MPHOSPH9: variants seen among roughly 807,000 people sequenced by gnomAD.
MPHOSPH9 encodes the protein M-phase phosphoprotein 9.
Under a neutral mutation model 145.5 loss-of-function variants are expected in MPHOSPH9, and 88 were observed. The observed-to-expected ratio is 0.60, with a 90% CI of 0.51 to 0.72. The LOEUF (loss-of-function observed/expected upper bound fraction) is 0.72, where lower values mean the gene tolerates loss of function less well. Ranked by LOEUF, MPHOSPH9 falls within the 30% of genes least tolerant of loss-of-function variation. The probability of loss-of-function intolerance (pLI) is 0.00; values close to 1 mark genes in which losing one functional copy is unlikely to be tolerated. For missense variants in MPHOSPH9, 1,238 were observed against 1,386.6 expected, an observed-to-expected ratio of 0.89 and a Z score of 1.70; for synonymous variants, 435 against 486.2, an observed-to-expected ratio of 0.89 and a Z score of 1.39.
chr12:123,243,301 C>T (rs1156981621), intron 1 of MPHOSPH9, among the ~76,000 whole-genome samples: 4 of 151,438 alleles, frequency 2.6e-5, no homozygotes, highest in African/African-American at 9.7e-5. Flanking sequence ...GAGGCCGAGG[C>T]GGGCGGATCA....
Position 123,223,035 on chromosome 12 carries a change from T to G in MPHOSPH9, c.348+3A>C, listed in dbSNP as rs1418758398. 3 of 1,511,256 alleles carry G rather than the reference T, an allele frequency of 2.0e-6. No homozygotes were observed. Among genetic ancestry groups the G allele is most frequent in the Admixed American group, 2.1e-5 (1 of 48,130 alleles). The allele number at this position is 1,511,256 out of a possible 1,614,324, so 93.6% of individuals were successfully genotyped here. ...AAAGGAATCAATGTAAATGGTAACT[T>G]ACTTGAATTTGGTTGTGGAACTGCT... On this transcript the variant is annotated splice_donor_region_variant and intron_variant, in intron 4 of 23. Transcript: ENST00000606320.
At position 123,221,509 on chromosome 12, in the gene MPHOSPH9, A is replaced by G; in HGVS notation, c.735T>C (p.Asn245=). 3 of 1,614,082 alleles carry G rather than the reference A, an allele frequency of 1.9e-6. No homozygotes were observed. Among genetic ancestry groups the G allele is most frequent in the Non-Finnish European group, 2.5e-6 (3 of 1,180,010 alleles). ...PAESLVDGVK[N]ENFYIQTPEE... Reference sequence around the variant, plus strand: ...CAGGAGTCTGTATATAAAAATTCTCATTTTTCACACCATCTACAAGTGACT... The same window carrying G: ...CAGGAGTCTGTATATAAAAATTCTCGTTTTTCACACCATCTACAAGTGACT... The change falls in exon 5 of 24, where the codon AAT becomes AAC. Residue 245 remains asparagine, a synonymous_variant. Coordinates refer to ENST00000606320, the MANE Select transcript of MPHOSPH9 (RefSeq NM_022782.4).
intron 5 of MPHOSPH9, among the ~76,000 whole-genome samples, chr12:123,218,877 T>C (rs1002146444): frequency 4.6e-5 from 6 of 130,228 alleles, no homozygotes; most frequent in Middle Eastern, 3.7e-3. Flanking sequence ...TTGCTTTCAG[T>C]TGTTGTGTGT....
chr12:123,176,553 A>C (rs1256184664), intron 16 of MPHOSPH9, 135 bp downstream of exon 16: 1 of 628,176 alleles, frequency 1.6e-6, no homozygotes, highest in African/African-American at 1.8e-5. Flanking sequence ...AATGTTCAGT[A>C]ATTAATCTAA....
chr12:123,172,871 C>CCTTT (rs2044648252), intron 16 of MPHOSPH9, among the ~76,000 whole-genome samples: 1 of 57,932 alleles, frequency 1.7e-5, no homozygotes, highest in Non-Finnish European at 3.2e-5. Flanking sequence ...TTTTCATTCA[C>CCTTT]TTTTTTTTTT....
At chr12:123,225,763 C>T (rs926585279) in intron 3 of MPHOSPH9, among the ~76,000 whole-genome samples, 1 of 152,186 alleles carries the variant, frequency 6.6e-6, no homozygotes, top group Non-Finnish European at 1.5e-5. Context: ...GGGCTAGCCA[C>T]GGTGGCTCAT....
At chr12:123,173,711 A>G (rs1727309) in intron 16 of MPHOSPH9, among the ~76,000 whole-genome samples, 127,777 of 152,220 alleles carry the variant, frequency 0.84, 53,934 homozygotes, top group East Asian at 1. Flanking sequence ...CTGAGGGGGC[A>G]TCACACCCCA....
intron 23 of MPHOSPH9, among the ~76,000 whole-genome samples, chr12:123,158,241 C>T (rs1037572291): frequency 1.3e-5 from 2 of 152,094 alleles, no homozygotes; most frequent in Non-Finnish European, 2.9e-5. Flanking sequence ...CTGATCTGCC[C>T]ACCTCAGCCT....
At position 123,202,781 on chromosome 12, in the gene MPHOSPH9, T is replaced by C. The variant is rs1468011856; in HGVS notation, c.1624A>G (p.Ile542Val). ...TTGACCGAGATATCATTACTAGTAATGGTATATACTGACGGAAACGTGGAA... is the reference window on the plus strand; with the variant it reads ...TTGACCGAGATATCATTACTAGTAACGGTATATACTGACGGAAACGTGGAA... ...TSSTFPSVYT[I>V]TSNDISVNTV... Residue 542 changes from isoleucine (I) to valine (V), a missense_variant, in exon 10 of 24, where the codon ATT (isoleucine) becomes GTT (valine). Ile to Val is a conservative substitution (Grantham distance 29, BLOSUM62 3). Around this residue, in one of 3 missense-constraint regions of MPHOSPH9, gnomAD observed 837 missense variants for 897.5 expected, o/e 0.93. Transcript: ENST00000606320. 1.9e-6 allele frequency: 3 copies of C among 1,614,176 alleles called. No homozygotes were observed. The highest frequency in any genetic ancestry group is 1.7e-5 in the Admixed American group (1 of 60,002).
In MPHOSPH9 at chr12:123,207,848, G is replaced by A. The variant is rs1193284807; in HGVS notation, c.1194+2208C>T. Among the ~76,000 whole-genome samples the A allele has an allele frequency of 8.3e-5, 10 of 120,568 alleles. No homozygotes were observed. The East Asian group carries it at 1.0e-3, about 12-fold the overall frequency. The allele number at this position is 120,568 out of a possible 152,430, so 79.1% of individuals were successfully genotyped here. On this transcript the variant is annotated intron_variant, in intron 8 of 23. Transcript: ENST00000606320. ...AGCCTGGGCAACAGAGCGAGACTCC[G>A]CCTCAAAGAAAAAAAAAAAAGAAAA...
At chr12:123,241,399 G>A (rs749093283) in intron 1 of MPHOSPH9, among the ~76,000 whole-genome samples, 4 of 152,096 alleles carry the variant, frequency 2.6e-5, no homozygotes, top group South Asian at 4.1e-4. Flanking sequence ...GCGCAATGGC[G>A]TGATCTCGGC....
intron 13 of MPHOSPH9, among the ~76,000 whole-genome samples, chr12:123,191,065 T>C (rs1442080825): frequency 2.6e-5 from 4 of 152,088 alleles, no homozygotes. Flanking sequence ...CTCATGCCTG[T>C]CATCTCAGCA....
Position 123,194,539 on chromosome 12 carries a change from A to C in MPHOSPH9, c.2088T>G (p.Ile696Met). The C allele has an allele frequency of 6.2e-7, 1 of 1,612,856 alleles. No homozygotes were observed. Among genetic ancestry groups the C allele is most frequent in the Non-Finnish European group, 8.5e-7 (1 of 1,179,832 alleles). Residue 696 changes from isoleucine (I) to methionine (M), a missense_variant, in exon 13 of 24, where the codon ATT becomes ATG. Ile to Met is a conservative substitution (Grantham distance 10, BLOSUM62 1). This residue lies in a region of MPHOSPH9 where 837 missense variants were observed against 897.5 expected (regional missense o/e 0.93). Transcript: ENST00000606320. The stretch of plus-strand genomic sequence containing the variant: ...CTTTACTGCTTGTTCTCATTTCTTC[A>C]ATTCGTTCCTGCAAAATTTTGGAAG... ...SSASKILQER[I>M]EEMRTSSKEK...
intron 4 of MPHOSPH9, 148 bp downstream of exon 4, chr12:123,222,889 TC>T (rs1338284223): frequency 2.1e-6 from 1 of 473,336 alleles, no homozygotes. Context: ...TGAGCTGAGA[TC>T]AAGCCACTGC....
At chr12:123,185,035 C>G (rs1397975541) in intron 13 of MPHOSPH9, among the ~76,000 whole-genome samples, 1 of 152,020 alleles carries the variant, frequency 6.6e-6, no homozygotes, top group Non-Finnish European at 1.5e-5. Flanking sequence ...AATTCCTGGC[C>G]TCAAGTGATC....
intron 16 of MPHOSPH9, among the ~76,000 whole-genome samples, chr12:123,170,641 C>G (rs1400160746): frequency 2.6e-5 from 4 of 152,160 alleles, no homozygotes; most frequent in African/African-American, 9.7e-5. Flanking sequence ...TACATATAAG[C>G]TCTATTCATT....
intron 11 of MPHOSPH9, 77 bp downstream of exon 11, chr12:123,202,087 G>T: frequency 7.4e-7 from 1 of 1,360,446 alleles, no homozygotes; most frequent in Non-Finnish European, 9.8e-7. Context: ...TTTTCAAAGT[G>T]TTTTCTCACA....
rs35626958 is a variant in MPHOSPH9, at chr12:123,208,188, CAA to C, written c.1194+1866_1194+1867del. On this transcript the variant is annotated intron_variant, in intron 8 of 23. Transcript: ENST00000606320. Reference sequence around the variant, plus strand: ...TAAGTGACAGACTGAGACTCCGTCTCAAAAAAAAAAAAAAAAAAAAATTTTTT... The same window carrying C: ...TAAGTGACAGACTGAGACTCCGTCTCAAAAAAAAAAAAAAAAAAATTTTTT... Among the ~76,000 whole-genome samples the C allele has an allele frequency of 9.1e-3, 772 of 85,186 alleles. 9 individuals carry two copies. Among genetic ancestry groups the C allele is most frequent in the African/African-American group, 0.028 (625 of 22,348 alleles). 55.9% of individuals were successfully genotyped at this position (85,186 alleles called of 152,430 possible).
chr12:123,186,357 GAA>G, intron 13 of MPHOSPH9, among the ~76,000 whole-genome samples: 1 of 151,438 alleles, frequency 6.6e-6, no homozygotes, highest in East Asian at 1.9e-4. Flanking sequence ...TTCAGCAAAA[GAA>G]AAAAGTTTAT....
Sources: allele counts gnomAD v4.1 joint callset (sites outside exome capture counted in the v4.1 genomes callset), GRCh38; gene constraint gnomAD v4.1.1; regional missense constraint gnomAD v4.1.1; transcripts MANE v1.5; gene names NCBI Gene and HGNC (gene_info 2026-07-23, HGNC 2026-07-21).